Variants in ZDHHC3 observed in about 807,000 individuals in gnomAD.
The protein encoded by ZDHHC3 is palmitoyltransferase ZDHHC3.
ZDHHC3 carries 9 observed loss-of-function variants against 30.6 expected under a neutral mutation model. The observed-to-expected ratio is 0.29, with a 90% confidence interval of 0.18 to 0.51. ZDHHC3 has a LOEUF of 0.51. Among genes scored for constraint, ZDHHC3 ranks in the 20% least tolerant of loss-of-function variants. ZDHHC3 has a pLI of 0.97. For missense variants in ZDHHC3, 246 were observed against 384.2 expected, an observed-to-expected ratio of 0.64 and a Z score of 3.01; for synonymous variants, 136 against 140.2, an observed-to-expected ratio of 0.97 and a Z score of 0.21.
Position 44,917,837 on chromosome 3 carries a change from C to T in ZDHHC3, c.*8852G>A. ...TGCCCATAAGCCCCTTTAGCCAAAA[C>T]CCCAGGATGAAGGTTGACAGCACTT... On this transcript the variant is annotated 3_prime_UTR_variant, in exon 7 of 7. Coordinates refer to ENST00000424952, the MANE Select transcript of ZDHHC3 (RefSeq NM_001135179.2). The T allele has an allele frequency of 4.7e-6, 6 of 1,278,498 alleles. No homozygotes were observed. The highest frequency in any genetic ancestry group is 6.1e-6 in the Non-Finnish European group (6 of 980,586). 79.2% of individuals were successfully genotyped at this position (1,278,498 alleles called of 1,614,324 possible).
Position 44,922,312 on chromosome 3 carries a change from A to G in ZDHHC3, c.*4377T>C. 1.0e-6 allele frequency: 1 copy of G among 985,364 alleles called. No homozygotes were observed. The highest frequency in any genetic ancestry group is 1.2e-6 in the Non-Finnish European group (1 of 829,928). 61.0% of individuals were successfully genotyped at this position (985,364 alleles called of 1,614,324 possible). On this transcript the variant is annotated 3_prime_UTR_variant, in exon 7 of 7. Transcript: ENST00000424952. ...AGACTACTCACCGGCCGCCGCTCCCATCTGGAGGTCCCTTGGTTCTACTCT... is the reference window on the plus strand; with the variant it reads ...AGACTACTCACCGGCCGCCGCTCCCGTCTGGAGGTCCCTTGGTTCTACTCT...
intron 1 of ZDHHC3, among the ~76,000 whole-genome samples, chr3:44,963,750 C>A (rs1032947903): frequency 6.6e-6 from 1 of 152,210 alleles, no homozygotes; most frequent in East Asian, 1.9e-4. Flanking sequence ...GGGCCCTAAG[C>A]CCCAAACCAC....
Position 44,924,167 on chromosome 3 carries a change from A to G in ZDHHC3, c.*2522T>C, listed in dbSNP as rs1295715366. On this transcript the variant is annotated 3_prime_UTR_variant, in exon 7 of 7. Coordinates refer to ENST00000424952, the MANE Select transcript of ZDHHC3 (RefSeq NM_001135179.2). Reference sequence around the variant, plus strand: ...ATCAGAACTCCTGTGACCAAGCCAAAAGTTGGGGCTGACTTTGTGTAGAAA... The same window carrying G: ...ATCAGAACTCCTGTGACCAAGCCAAGAGTTGGGGCTGACTTTGTGTAGAAA... 7 of 985,278 alleles carry G rather than the reference A, an allele frequency of 7.1e-6. No individual in the cohort carries two copies. In the East Asian group the frequency reaches 5.7e-4, roughly 80 times the overall value. 61.0% of individuals were successfully genotyped at this position (985,278 alleles called of 1,614,324 possible). A position where few individuals can be genotyped will look rare whatever the true frequency, so the allele number is the denominator to read the frequency against.
intron 6 of ZDHHC3, among the ~76,000 whole-genome samples, chr3:44,927,893 G>A (rs1454257666): frequency 6.6e-6 from 1 of 152,202 alleles, no homozygotes; most frequent in Non-Finnish European, 1.5e-5. Flanking sequence ...ACCTGGGAAG[G>A]GCACAGGCCA....
At chr3:44,967,561 T>C (rs1221404279) in intron 1 of ZDHHC3, among the ~76,000 whole-genome samples, 4 of 152,194 alleles carry the variant, frequency 2.6e-5, no homozygotes, top group Admixed American at 2.6e-4. Context: ...CACACTCATG[T>C]ACAGTGTGAC....
chr3:44,936,053 T>A (rs1363435498), intron 3 of ZDHHC3, among the ~76,000 whole-genome samples: 2 of 152,150 alleles, frequency 1.3e-5, no homozygotes, highest in African/African-American at 4.8e-5. Context: ...CAACAGAAAC[T>A]ATCAACAGAG....
At position 44,922,069 on chromosome 3, in the gene ZDHHC3, A is replaced by G. The variant is rs1559641596; in HGVS notation, c.*4620T>C. 2.0e-6 allele frequency: 2 copies of G among 985,276 alleles called. No homozygotes were observed. Among genetic ancestry groups the G allele is most frequent in the Non-Finnish European group, 2.4e-6 (2 of 829,938 alleles). 61.0% of individuals were successfully genotyped at this position (985,276 alleles called of 1,614,324 possible). The stretch of plus-strand genomic sequence containing the variant: ...TCAGCAAGATGTTTACTTGAGGGAG[A>G]GGGTGAGAAAAAGAAGGTTCAGGTT... On this transcript the variant is annotated 3_prime_UTR_variant, in exon 7 of 7. Coordinates refer to ENST00000424952, the MANE Select transcript of ZDHHC3 (RefSeq NM_001135179.2).
Position 44,917,487 on chromosome 3 carries a change from A to C in ZDHHC3, c.*9202T>G, listed in dbSNP as rs1700260199. ...ACCTTACTTCTCAAAGCCAGGAGCCAGGGGCCCAGCCTTCCCAAGAGAAGA... is the reference window on the plus strand; with the variant it reads ...ACCTTACTTCTCAAAGCCAGGAGCCCGGGGCCCAGCCTTCCCAAGAGAAGA... On this transcript the variant is annotated 3_prime_UTR_variant, in exon 7 of 7. Coordinates refer to ENST00000424952, the MANE Select transcript of ZDHHC3 (RefSeq NM_001135179.2). The C allele has an allele frequency of 5.0e-6, 1 of 199,806 alleles. No individual in the cohort carries two copies. Among genetic ancestry groups the C allele is most frequent in the African/African-American group, 2.3e-5 (1 of 43,046 alleles). 12.4% of individuals were successfully genotyped at this position (199,806 alleles called of 1,614,324 possible). A position where few individuals can be genotyped will look rare whatever the true frequency, so the allele number is the denominator to read the frequency against.
In ZDHHC3 at chr3:44,923,422, A is replaced by G. The variant is rs1017724841; in HGVS notation, c.*3267T>C. 2.0e-6 allele frequency: 2 copies of G among 985,220 alleles called. No individual in the cohort carries two copies. Among genetic ancestry groups the G allele is most frequent in the Non-Finnish European group, 2.4e-6 (2 of 829,928 alleles). 61.0% of individuals were successfully genotyped at this position (985,220 alleles called of 1,614,324 possible). On this transcript the variant is annotated 3_prime_UTR_variant, in exon 7 of 7. Coordinates refer to ENST00000424952, the MANE Select transcript of ZDHHC3 (RefSeq NM_001135179.2). ...AAATGTTTGTTAATTTACCTCACCTAAACGGTTTCTGCATTAGGGGACGGT... is the reference window on the plus strand; with the variant it reads ...AAATGTTTGTTAATTTACCTCACCTGAACGGTTTCTGCATTAGGGGACGGT...
intron 1 of ZDHHC3, among the ~76,000 whole-genome samples, chr3:44,972,894 T>C (rs909333875): frequency 1.3e-5 from 2 of 152,210 alleles, no homozygotes; most frequent in African/African-American, 2.4e-5. Context: ...GAGTATGGCA[T>C]ACGGTTGGAA....
At chr3:44,973,962 A>AT (rs1472564928) in intron 1 of ZDHHC3, among the ~76,000 whole-genome samples, 1 of 152,176 alleles carries the variant, frequency 6.6e-6, no homozygotes, top group African/African-American at 2.4e-5. Context: ...TGACTTCTTG[A>AT]TTTTTTTGGT....
At chr3:44,966,411 A>C (rs1334194465) in intron 1 of ZDHHC3, among the ~76,000 whole-genome samples, 1 of 152,198 alleles carries the variant, frequency 6.6e-6, no homozygotes, top group East Asian at 1.9e-4. Flanking sequence ...ACCACAGTTA[A>C]ATAGTTCAGT....
Position 44,917,714 on chromosome 3 carries a change from AC to A in ZDHHC3, c.*8974del, listed in dbSNP as rs1700279388. ...CTCTGATGTCCCCAGCCTACTCCCGACCCCCAGACCTGGCCCAACATGGAGA... is the reference window on the plus strand; with the variant it reads ...CTCTGATGTCCCCAGCCTACTCCCGACCCCAGACCTGGCCCAACATGGAGA... On this transcript the variant is annotated 3_prime_UTR_variant, in exon 7 of 7. Coordinates refer to ENST00000424952, the MANE Select transcript of ZDHHC3 (RefSeq NM_001135179.2). 1 of 624,738 alleles carries A rather than the reference AC, an allele frequency of 1.6e-6. No individual in the cohort carries two copies. Among genetic ancestry groups the A allele is most frequent in the Non-Finnish European group, 2.4e-6 (1 of 424,190 alleles). The allele number at this position is 624,738 out of a possible 1,614,324, so 38.7% of individuals were successfully genotyped here.
chr3:44,952,092 G>A (rs564897043), intron 2 of ZDHHC3, among the ~76,000 whole-genome samples: 1 of 152,102 alleles, frequency 6.6e-6, no homozygotes, highest in Non-Finnish European at 1.5e-5. Flanking sequence ...CTATTTGGCT[G>A]TCCCAAAGGC....
rs138236884 is a variant in ZDHHC3 at position 44,922,025 on chromosome 3, G to A, written c.*4664C>T. ...CCTGGGGGCCACTCTGCTTTGCTACGGCAATCACACTGCTCAAGTCAGCAA... is the reference window on the plus strand; with the variant it reads ...CCTGGGGGCCACTCTGCTTTGCTACAGCAATCACACTGCTCAAGTCAGCAA... On this transcript the variant is annotated 3_prime_UTR_variant, in exon 7 of 7. Coordinates refer to ENST00000424952, the MANE Select transcript of ZDHHC3 (RefSeq NM_001135179.2). The A allele has an allele frequency of 1.3e-4, 133 of 985,406 alleles. 6 individuals are homozygous for A. In the East Asian group the frequency reaches 0.012, roughly 92 times the overall value. The allele number at this position is 985,406 out of a possible 1,614,324, so 61.0% of individuals were successfully genotyped here. A position where few individuals can be genotyped will look rare whatever the true frequency, so the allele number is the denominator to read the frequency against.
chr3:44,945,035 G>T (rs1041723600), intron 3 of ZDHHC3, 133 bp downstream of exon 3: 5 of 1,306,294 alleles, frequency 3.8e-6, no homozygotes, highest in Non-Finnish European at 5.4e-6. Context: ...CCAGAGCAGG[G>T]GACATTTGGA....
At chr3:44,964,895 A>C (rs1177936063) in intron 1 of ZDHHC3, among the ~76,000 whole-genome samples, 1 of 152,140 alleles carries the variant, frequency 6.6e-6, no homozygotes, top group East Asian at 1.9e-4. Flanking sequence ...TTAGTATTCC[A>C]TGTTCAAAGT....
At chr3:44,965,769 T>C (rs577406612) in intron 1 of ZDHHC3, among the ~76,000 whole-genome samples, 1 of 152,248 alleles carries the variant, frequency 6.6e-6, no homozygotes, top group Admixed American at 6.5e-5. Flanking sequence ...AGGACCCCCA[T>C]CCTCTCAGAT....
chr3:44,937,551 T>TG (rs1246586956), intron 3 of ZDHHC3: 20 of 139,654 alleles, frequency 1.4e-4, no homozygotes, highest in African/African-American at 4.8e-4. Context: ...AAAAATAAGT[T>TG]TTTTTTTTTT....
Sources: allele counts gnomAD v4.1 joint callset (sites outside exome capture counted in the v4.1 genomes callset), GRCh38; gene constraint gnomAD v4.1.1; transcripts MANE v1.5; gene names NCBI Gene and HGNC (gene_info 2026-07-23, HGNC 2026-07-21).